DDX10: variants seen among roughly 807,000 people sequenced by gnomAD.
DDX10 encodes the protein DEAD-box helicase 10.
Under a neutral mutation model 104.3 loss-of-function variants are expected in DDX10, and 74 were observed. The observed-to-expected ratio is 0.71, with a 90% CI of 0.59 to 0.86. The LOEUF (loss-of-function observed/expected upper bound fraction) is 0.86, where lower values mean the gene tolerates loss of function less well. Ranked by LOEUF, DDX10 falls within the 40% of genes least tolerant of loss-of-function variation. The probability of loss-of-function intolerance (pLI) is 0.00; values close to 1 mark genes in which losing one functional copy is unlikely to be tolerated. For synonymous variants in DDX10, 351 were observed against 353.4 expected (o/e 0.99, Z 0.08); for missense variants, 952 against 1,040.0 (o/e 0.92, Z 1.16).
chr11:108,864,324 T>G (rs575978165), intron 16 of DDX10, among the ~76,000 whole-genome samples: 9 of 152,252 alleles, frequency 5.9e-5, no homozygotes, highest in African/African-American at 1.9e-4. Context: ...GTAGGGGACT[T>G]ACTTACATGT....
intron 17 of DDX10, among the ~76,000 whole-genome samples, chr11:108,933,075 C>T (rs1863993546): frequency 6.6e-6 from 1 of 151,898 alleles, no homozygotes; most frequent in Admixed American, 6.6e-5. Flanking sequence ...GTAGGGGCCA[C>T]TGCAATGGGG....
At chr11:108,935,155 T>G (rs1288625922) in intron 17 of DDX10, among the ~76,000 whole-genome samples, 2 of 152,118 alleles carry the variant, frequency 1.3e-5, no homozygotes, top group African/African-American at 4.8e-5. Flanking sequence ...GAAGAAGAAA[T>G]CTTCCACCTC....
chr11:108,829,303 G>A (rs887432133), intron 13 of DDX10, among the ~76,000 whole-genome samples: 3 of 152,182 alleles, frequency 2.0e-5, no homozygotes, highest in East Asian at 3.9e-4. Flanking sequence ...CTGCAGGAGT[G>A]AGGTGGTATT....
intron 16 of DDX10, among the ~76,000 whole-genome samples, chr11:108,915,456 TTTTTG>T (rs1261626867): frequency 7.1e-6 from 1 of 141,516 alleles, no homozygotes; most frequent in Non-Finnish European, 1.5e-5. Flanking sequence ...GGTTTTTTTT[TTTTTG>T]TTTGTTTGTT....
intron 13 of DDX10, among the ~76,000 whole-genome samples, chr11:108,832,861 G>A (rs1862491117): frequency 6.6e-6 from 1 of 152,158 alleles, no homozygotes; most frequent in Admixed American, 6.5e-5. Flanking sequence ...ATTGCTGGAG[G>A]TAACTCTTTT....
At position 108,758,255 on chromosome 11, in the gene DDX10, A is replaced by G. The variant is rs528382422; in HGVS notation, c.1965+34793A>G. Among the ~76,000 whole-genome samples the G allele has an allele frequency of 2.0e-5, 3 of 152,188 alleles. No homozygotes were observed. The South Asian group carries it at 6.2e-4, about 32-fold the overall frequency. On this transcript the variant is annotated intron_variant, in intron 13 of 17. Coordinates refer to ENST00000322536, the MANE Select transcript of DDX10 (RefSeq NM_004398.4). ...CAGTGGGTTTTCAGGGTGTTTGACA[A>G]ATGCTTATATTATTTATTTTTAGAA...
At chr11:108,690,913 C>G (rs908374449) in intron 7 of DDX10, 2 of 155,166 alleles carry the variant, frequency 1.3e-5, no homozygotes, top group East Asian at 1.9e-4. Context: ...GTTTCCAATT[C>G]CTTGTCCCGT....
At position 108,856,462 on chromosome 11, in the gene DDX10, AAAAAAAC is replaced by A. The variant is rs1455414945; in HGVS notation, c.2304+4272_2304+4278del. Among the ~76,000 whole-genome samples, 85 of 151,940 alleles carry A rather than the reference AAAAAAAC, an allele frequency of 5.6e-4. No individual in the cohort carries two copies. The East Asian group carries it at 6.6e-3, about 12-fold the overall frequency. ...AACAAACAAACAAAAAAAACCACCA[AAAAAAAC>A]AAAAAACAAAAAACAAAACAAAAAA... On this transcript the variant is annotated intron_variant, in intron 16 of 17. Transcript: ENST00000322536.
chr11:108,700,890 G>C (rs990072514), intron 9 of DDX10, among the ~76,000 whole-genome samples: 1 of 151,176 alleles, frequency 6.6e-6, no homozygotes, highest in African/African-American at 2.4e-5. Context: ...TCTTTTCAGG[G>C]GACAAAGTTG....
intron 13 of DDX10, among the ~76,000 whole-genome samples, chr11:108,781,789 GT>G (rs1019429595): frequency 2.0e-5 from 3 of 147,144 alleles, no homozygotes; most frequent in East Asian, 2.0e-4. Context: ...TCTTGGTTTT[GT>G]TTTTTTTTTC....
At chr11:108,693,394 A>G in intron 8 of DDX10, 122 bp from the exon 9 acceptor site, 1 of 775,764 alleles carries the variant, frequency 1.3e-6, no homozygotes, top group Non-Finnish European at 2.4e-6. Context: ...AATAGAGTTC[A>G]TAGATGATAT....
At chr11:108,923,743 G>A (rs1266742822) in intron 17 of DDX10, among the ~76,000 whole-genome samples, 6 of 152,188 alleles carry the variant, frequency 3.9e-5, no homozygotes, top group African/African-American at 1.4e-4. Flanking sequence ...AGTAGGTAGG[G>A]AATGAACATG....
At chr11:108,908,875 A>G (rs1863631244) in intron 16 of DDX10, among the ~76,000 whole-genome samples, 1 of 152,232 alleles carries the variant, frequency 6.6e-6, no homozygotes, top group Non-Finnish European at 1.5e-5. Flanking sequence ...GTCCTGTGAA[A>G]CAGATGCTTT....
At chr11:108,756,768 C>G (rs781764166) in intron 13 of DDX10, among the ~76,000 whole-genome samples, 2 of 151,972 alleles carry the variant, frequency 1.3e-5, no homozygotes, top group East Asian at 1.9e-4. Context: ...TGTCTGTGTT[C>G]CTTGATGGTT....
At chr11:108,906,738 C>A (rs750504282) in intron 16 of DDX10, among the ~76,000 whole-genome samples, 5 of 152,058 alleles carry the variant, frequency 3.3e-5, no homozygotes, top group Non-Finnish European at 4.4e-5. Flanking sequence ...ATAAGATGCA[C>A]CATTATTTAA....
In DDX10 at chr11:108,917,841, C is replaced by T. The variant is rs763173817; in HGVS notation, c.2305-32C>T. ...CTGATTATTTATCAACTGACTTCTT[C>T]AACTGCAGTTTCCCTTATTATTATT... On this transcript the variant is annotated intron_variant, in intron 16 of 17. Transcript: ENST00000322536. The T allele has an allele frequency of 8.7e-6, 14 of 1,604,086 alleles. No homozygotes were observed. The East Asian group carries it at 1.8e-4, about 20-fold the overall frequency.
chr11:108,881,909 A>T (rs10789691), intron 16 of DDX10, among the ~76,000 whole-genome samples: 68,861 of 151,562 alleles, frequency 0.45, 19,034 homozygotes, highest in Non-Finnish European at 0.61. Context: ...AATTAAAAAA[A>T]TTTTTTTTGC....
chr11:108,749,523 A>G (rs970412056), intron 13 of DDX10, among the ~76,000 whole-genome samples: 3 of 152,142 alleles, frequency 2.0e-5, no homozygotes, highest in Non-Finnish European at 2.9e-5. Context: ...TAACTTTCCT[A>G]TTAAACACTT....
At chr11:108,873,881 A>G (rs1289290326) in intron 16 of DDX10, among the ~76,000 whole-genome samples, 1 of 152,178 alleles carries the variant, frequency 6.6e-6, no homozygotes, top group Non-Finnish European at 1.5e-5. Context: ...TACTCTATTA[A>G]TCTTTCATTC....
Sources: gnomAD v4.1 joint callset for allele counts (sites outside exome capture counted in the v4.1 genomes callset) on GRCh38, gnomAD v4.1.1 for gene constraint, MANE v1.5 for transcripts, NCBI Gene and HGNC (gene_info 2026-07-23, HGNC 2026-07-21) for gene names.